The following AP2B1 variants were observed in gnomAD, a reference collection of about 807,000 sequenced individuals.
AP2B1 encodes adaptor related protein complex 2 subunit beta 1.
AP2B1 carries 23 observed loss-of-function variants against 102.0 expected under a neutral mutation model. The ratio of observed to expected loss-of-function variants is 0.23; its 90% CI spans 0.16 to 0.32. The LOEUF is 0.32. Ranked by LOEUF, AP2B1 falls within the 10% of genes least tolerant of loss-of-function variation. The probability of loss-of-function intolerance (pLI) is 1.00; values close to 1 mark genes in which losing one functional copy is unlikely to be tolerated. For missense variants in AP2B1, 541 were observed against 1,157.4 expected (o/e 0.47, Z 7.73); for synonymous variants, 381 against 421.2 (o/e 0.90, Z 1.17).
intron 9 of AP2B1, among the ~76,000 whole-genome samples, chr17:35,630,071 G>A (rs1346952823): frequency 6.6e-6 from 1 of 152,192 alleles, no homozygotes; most frequent in African/African-American, 2.4e-5. Flanking sequence ...TGTACAGTAT[G>A]ACCAGTACTT....
At chr17:35,689,540 A>G (rs1456115300) in intron 18 of AP2B1, among the ~76,000 whole-genome samples, 2 of 152,224 alleles carry the variant, frequency 1.3e-5, no homozygotes, top group Non-Finnish European at 2.9e-5. Flanking sequence ...AAAATTAGCA[A>G]GAATTCCTTA....
chr17:35,650,814 A>G (rs1260715316), intron 13 of AP2B1, 25 bp downstream of exon 13: 1 of 1,608,446 alleles, frequency 6.2e-7, no homozygotes, highest in Non-Finnish European at 8.5e-7. Context: ...ACTGTCTCTG[A>G]GTGAGAAATG....
chr17:35,603,457 G>A (rs183148334), intron 3 of AP2B1, among the ~76,000 whole-genome samples: 8 of 152,280 alleles, frequency 5.3e-5, no homozygotes, highest in Admixed American at 3.9e-4. Context: ...TGGCTTATAG[G>A]AGAATGGTAA....
intron 13 of AP2B1, among the ~76,000 whole-genome samples, chr17:35,653,291 G>A (rs1234244714): frequency 2.6e-5 from 4 of 152,034 alleles, no homozygotes; most frequent in African/African-American, 9.7e-5. Context: ...GTCGCTTTCC[G>A]AAAATTATGC....
At chr17:35,704,994 G>C (rs1014792325) in intron 18 of AP2B1, among the ~76,000 whole-genome samples, 2 of 152,168 alleles carry the variant, frequency 1.3e-5, no homozygotes, top group Non-Finnish European at 2.9e-5. Flanking sequence ...TCGCGCCATT[G>C]CACTCCAGCT....
intron 18 of AP2B1, among the ~76,000 whole-genome samples, chr17:35,702,828 A>G (rs587630600): frequency 5.3e-5 from 8 of 152,282 alleles, no homozygotes; most frequent in African/African-American, 1.7e-4. Flanking sequence ...ATGAGATACT[A>G]TCTCACACCA....
intron 18 of AP2B1, among the ~76,000 whole-genome samples, chr17:35,688,586 T>C (rs1295802010): frequency 6.6e-6 from 1 of 152,202 alleles, no homozygotes; most frequent in African/African-American, 2.4e-5. Flanking sequence ...GACGTCTTGC[T>C]ATTTGGATGT....
chr17:35,595,733 T>C (rs1216782633), intron 2 of AP2B1, among the ~76,000 whole-genome samples: 1 of 152,186 alleles, frequency 6.6e-6, no homozygotes, highest in Admixed American at 6.5e-5. Context: ...TCTTTGGTCC[T>C]GCCCAACTTT....
At chr17:35,617,910 G>A (rs2074069747) in intron 5 of AP2B1, among the ~76,000 whole-genome samples, 1 of 152,050 alleles carries the variant, frequency 6.6e-6, no homozygotes. Context: ...GTAGTGTTTT[G>A]GCTTTGAGAG....
chr17:35,711,558 T>C (rs587710209), intron 20 of AP2B1, among the ~76,000 whole-genome samples: 1 of 151,778 alleles, frequency 6.6e-6, no homozygotes, highest in Non-Finnish European at 1.5e-5. Flanking sequence ...AAGCTCCGCC[T>C]CCCGGGTTCA....
intron 14 of AP2B1, among the ~76,000 whole-genome samples, chr17:35,663,392 C>A (rs185666692): frequency 1.4e-3 from 215 of 152,270 alleles, no homozygotes; most frequent in Non-Finnish European, 2.0e-3. Context: ...TGGTATTGGA[C>A]CCCATTTTAC....
At chr17:35,672,180 G>A (rs188769753) in intron 16 of AP2B1, among the ~76,000 whole-genome samples, 28 of 152,302 alleles carry the variant, frequency 1.8e-4, no homozygotes, top group African/African-American at 6.7e-4. Flanking sequence ...CAACATTGAA[G>A]TCAATCTAGT....
intron 12 of AP2B1, 143 bp downstream of exon 12, chr17:35,642,118 A>G (rs1306611570): frequency 3.6e-6 from 2 of 559,566 alleles, no homozygotes; most frequent in East Asian, 2.8e-5. Context: ...TATTAAAACA[A>G]TGCCTTTTTA....
intron 17 of AP2B1, among the ~76,000 whole-genome samples, chr17:35,676,843 TG>T (rs982269607): frequency 3.9e-5 from 6 of 152,186 alleles, no homozygotes; most frequent in Non-Finnish European, 1.5e-5. Flanking sequence ...TTGTTGTTTT[TG>T]GGGGGAGAGA....
chr17:35,657,644 C>A lies in AP2B1; in HGVS notation c.1842C>A (p.Asn614Lys), dbSNP rs754986816. The part of the protein sequence containing the change: ...DSPVGTTTAT[N>K]LEQPQVIPSQ... ...CTGTTGGCACTACCACTGCAACGAACCTGGAACAGCCTCAGGTTATCCCCT... is the reference window on the plus strand; with the variant it reads ...CTGTTGGCACTACCACTGCAACGAAACTGGAACAGCCTCAGGTTATCCCCT... Residue 614 changes from asparagine (N) to lysine (K), a missense_variant, in exon 14 of 22, where the codon AAC becomes AAA. Asn to Lys is a moderately conservative substitution (Grantham distance 94). Around this residue, in one of 10 missense-constraint regions of AP2B1, gnomAD observed 39 missense variants for 42.0 expected, o/e 0.93. Coordinates refer to ENST00000610402, the MANE Select transcript of AP2B1 (RefSeq NM_001030006.2). The A allele has an allele frequency of 3.1e-6, 5 of 1,614,098 alleles. No homozygotes were observed. The highest frequency in any genetic ancestry group is 4.2e-6 in the Non-Finnish European group (5 of 1,179,960).
At chr17:35,652,233 A>T (rs1032937081) in intron 13 of AP2B1, among the ~76,000 whole-genome samples, 2 of 152,078 alleles carry the variant, frequency 1.3e-5, no homozygotes, top group African/African-American at 2.4e-5. Context: ...TGTGTTTTTT[A>T]AAAAAATGCA....
intron 9 of AP2B1, among the ~76,000 whole-genome samples, chr17:35,630,124 A>G (rs150510786): frequency 1.3e-5 from 2 of 152,362 alleles, no homozygotes; most frequent in African/African-American, 2.4e-5. Context: ...AGAATCTTCT[A>G]TGAAATACCT....
chr17:35,656,634 G>A (rs763402557), intron 13 of AP2B1, among the ~76,000 whole-genome samples: 2 of 152,118 alleles, frequency 1.3e-5, no homozygotes, highest in South Asian at 2.1e-4. Flanking sequence ...GGTGGCTCAC[G>A]CCTGTAATCC....
intron 18 of AP2B1, among the ~76,000 whole-genome samples, chr17:35,705,365 G>A (rs1385047454): frequency 2.0e-5 from 3 of 152,168 alleles, no homozygotes; most frequent in East Asian, 1.9e-4. Context: ...ACAATCTGCC[G>A]ATAAGCCTTT....
Sources: gnomAD v4.1 joint callset for allele counts (sites outside exome capture counted in the v4.1 genomes callset) on GRCh38, gnomAD v4.1.1 for gene constraint, gnomAD v4.1.1 regional missense constraint, MANE v1.5 for transcripts, NCBI Gene and HGNC (gene_info 2026-07-23, HGNC 2026-07-21) for gene names.